Variants in KHDRBS2 observed in about 807,000 individuals in gnomAD.
KHDRBS2 encodes KH domain-containing, RNA-binding, signal transduction-associated protein 2.
A neutral mutation model predicts 44.3 loss-of-function variants in KHDRBS2; 26 were observed. The observed-to-expected ratio is 0.59, with a 90% CI of 0.43 to 0.81. The LOEUF (loss-of-function observed/expected upper bound fraction) is 0.81. KHDRBS2 is among the 40% of genes least tolerant of loss of function. The probability of loss-of-function intolerance (pLI) is 0.00; values close to 1 mark genes in which losing one functional copy is unlikely to be tolerated. For missense variants in KHDRBS2, 476 were observed against 433.1 expected (o/e 1.10, Z -0.88); for synonymous variants, 194 against 151.1 (o/e 1.28, Z -2.08).
intron 1 of KHDRBS2, among the ~76,000 whole-genome samples, chr6:62,274,529 C>G (rs555863526): frequency 1.3e-5 from 2 of 152,296 alleles, no homozygotes; most frequent in African/African-American, 4.8e-5. Flanking sequence ...TGATGCTTAA[C>G]TTCTACCAAT....
chr6:62,082,244 C>T (rs1294679688), intron 2 of KHDRBS2, among the ~76,000 whole-genome samples: 3 of 151,456 alleles, frequency 2.0e-5, no homozygotes, highest in African/African-American at 4.9e-5. Flanking sequence ...TTATTAAAAC[C>T]CATCTTCTGA....
intron 2 of KHDRBS2, among the ~76,000 whole-genome samples, chr6:62,079,542 G>A (rs77761162): frequency 0.049 from 7,479 of 152,046 alleles, 281 homozygotes; most frequent in Non-Finnish European, 0.072. Context: ...GAGCATCTTC[G>A]TAATGGCACT....
chr6:61,719,962 T>C (rs1004438456), intron 7 of KHDRBS2, among the ~76,000 whole-genome samples: 2 of 152,058 alleles, frequency 1.3e-5, no homozygotes, highest in Non-Finnish European at 2.9e-5. Flanking sequence ...CAGAGTGTGA[T>C]GTTCCCCTTC....
intron 3 of KHDRBS2, among the ~76,000 whole-genome samples, chr6:62,037,468 G>GAA (rs200617280): frequency 6.8e-6 from 1 of 146,864 alleles, no homozygotes; most frequent in African/African-American, 2.5e-5. Context: ...ATTTTTAGGC[G>GAA]AAAAAAAAAG....
intron 6 of KHDRBS2, among the ~76,000 whole-genome samples, chr6:61,780,151 A>C (rs1054036894): frequency 1.3e-5 from 2 of 152,238 alleles, no homozygotes; most frequent in African/African-American, 4.8e-5. Flanking sequence ...TTATACTTAA[A>C]CTATTCTTTT....
intron 6 of KHDRBS2, among the ~76,000 whole-genome samples, chr6:61,819,807 AC>A (rs1789592138): frequency 6.6e-6 from 1 of 152,032 alleles, no homozygotes; most frequent in African/African-American, 2.4e-5. Context: ...ATAAGTCTGA[AC>A]AGCTGACTTC....
intron 6 of KHDRBS2, among the ~76,000 whole-genome samples, chr6:61,772,896 T>A (rs990864431): frequency 1.3e-5 from 2 of 152,108 alleles, no homozygotes; most frequent in Non-Finnish European, 2.9e-5. Context: ...CGGTGTTTGG[T>A]TTTTTGTTCT....
At chr6:62,002,009 C>T (rs1778326620) in intron 3 of KHDRBS2, among the ~76,000 whole-genome samples, 1 of 152,100 alleles carries the variant, frequency 6.6e-6, no homozygotes, top group South Asian at 2.1e-4. Context: ...ACTGTACTCA[C>T]TTTAGCTGAA....
the KHDRBS2 span, among the ~76,000 whole-genome samples, chr6:61,587,263 G>C: frequency 6.6e-6 from 1 of 152,144 alleles, no homozygotes; most frequent in Non-Finnish European, 1.5e-5. Context: ...GCATGCGTAT[G>C]AATTGTGTTG....
At chr6:61,790,823 T>C (rs182925416) in intron 6 of KHDRBS2, among the ~76,000 whole-genome samples, 159 of 151,628 alleles carry the variant, frequency 1.0e-3, no homozygotes, top group African/African-American at 3.7e-3. Context: ...TATTCTGGAA[T>C]AGTTTGTGTA....
At chr6:62,141,793 A>C (rs1023811500) in intron 2 of KHDRBS2, among the ~76,000 whole-genome samples, 1 of 152,132 alleles carries the variant, frequency 6.6e-6, no homozygotes, top group African/African-American at 2.4e-5. Flanking sequence ...TTTCATGTAC[A>C]TGAGTGCTAG....
intron 3 of KHDRBS2, among the ~76,000 whole-genome samples, chr6:61,996,312 G>C (rs2127254280): frequency 6.6e-6 from 1 of 152,266 alleles, no homozygotes; most frequent in Middle Eastern, 3.4e-3. Flanking sequence ...AAATGACTCA[G>C]AGATTAGCCA....
chr6:62,042,531 G>C (rs1477638229), intron 3 of KHDRBS2, among the ~76,000 whole-genome samples: 1 of 152,064 alleles, frequency 6.6e-6, no homozygotes, highest in Non-Finnish European at 1.5e-5. Context: ...TATGTAACCA[G>C]TCACAGCCTG....
At chr6:61,589,777 T>G in the KHDRBS2 span, among the ~76,000 whole-genome samples, 1 of 152,210 alleles carries the variant, frequency 6.6e-6, no homozygotes, top group Admixed American at 6.5e-5. Context: ...TTTGTGGATG[T>G]TGGAAAATAA....
intron 2 of KHDRBS2, among the ~76,000 whole-genome samples, chr6:62,067,830 C>G (rs1188627394): frequency 6.6e-6 from 1 of 151,512 alleles, no homozygotes; most frequent in Non-Finnish European, 1.5e-5. Context: ...TAAATACGGT[C>G]GTACAACATG....
At position 61,726,217 on chromosome 6, in the gene KHDRBS2, C is replaced by T. The variant is rs1425032132; in HGVS notation, c.893+6465G>A. On this transcript the variant is annotated intron_variant, in intron 7 of 8. Transcript: ENST00000281156. ...TGCAGAAAAGGCCTTCAATAAAATT[C>T]AACATCCCTTCATTTTAAAAACTCT... Among the ~76,000 whole-genome samples, 5 of 152,030 alleles carry T rather than the reference C, an allele frequency of 3.3e-5. No individual in the cohort carries two copies. The East Asian group carries it at 9.7e-4, about 29-fold the overall frequency.
chr6:62,177,371 T>C (rs1213727870), intron 1 of KHDRBS2, 59 bp from the exon 2 acceptor site: 4 of 1,283,130 alleles, frequency 3.1e-6, no homozygotes, highest in Non-Finnish European at 4.3e-6. Flanking sequence ...ATCATAAATA[T>C]GCTGAAAAAT....
intron 2 of KHDRBS2, among the ~76,000 whole-genome samples, chr6:62,078,136 C>A (rs141993663): frequency 2.6e-5 from 4 of 151,900 alleles, no homozygotes; most frequent in Non-Finnish European, 5.9e-5. Flanking sequence ...CACAGTTTTG[C>A]GATTCACTCT....
intron 1 of KHDRBS2, among the ~76,000 whole-genome samples, chr6:62,247,394 T>C (rs1259051666): frequency 2.6e-5 from 4 of 151,894 alleles, no homozygotes; most frequent in Non-Finnish European, 5.9e-5. Context: ...AGAGAGTATA[T>C]ACTTATACTG....
Sources: gnomAD v4.1 joint callset for allele counts (sites outside exome capture counted in the v4.1 genomes callset) on GRCh38, gnomAD v4.1.1 for gene constraint, MANE v1.5 for transcripts, NCBI Gene and HGNC (gene_info 2026-07-23, HGNC 2026-07-21) for gene names.